DPP10: variants seen among roughly 807,000 people sequenced by gnomAD.
The protein encoded by DPP10 is inactive dipeptidyl peptidase 10.
In DPP10, 33 loss-of-function variants were observed where a neutral mutation model predicts 120.9. That is an observed-to-expected ratio of 0.27 (90% CI 0.21 to 0.37). The LOEUF (loss-of-function observed/expected upper bound fraction) is 0.37, where lower values mean the gene tolerates loss of function less well. Ranked by LOEUF, DPP10 falls within the 10% of genes least tolerant of loss-of-function variation. The pLI, the probability that DPP10 is intolerant of heterozygous loss-of-function variation, is 1.00. For synonymous variants in DPP10, 337 were observed against 326.1 expected, an observed-to-expected ratio of 1.03 and a Z score of -0.36; for missense variants, 816 against 942.8, an observed-to-expected ratio of 0.87 and a Z score of 1.76.
chr2:114,455,538 C>G (rs1301462528), intron 1 of DPP10, among the ~76,000 whole-genome samples: 2 of 145,004 alleles, frequency 1.4e-5, no homozygotes, highest in Non-Finnish European at 1.5e-5. Flanking sequence ...GTTCAAGACT[C>G]TGTCTCAAAA....
At chr2:114,881,565 C>CGTCT (rs368885347) in intron 1 of DPP10, among the ~76,000 whole-genome samples, 9 of 141,100 alleles carry the variant, frequency 6.4e-5, no homozygotes, top group African/African-American at 1.9e-4. Flanking sequence ...ATCTATGTAT[C>CGTCT]ATCTATCTAT....
At chr2:115,812,865 G>A (rs1329824938) in intron 19 of DPP10, among the ~76,000 whole-genome samples, 1 of 150,564 alleles carries the variant, frequency 6.6e-6, no homozygotes, top group South Asian at 2.1e-4. Context: ...TTGGAAATAT[G>A]GAGTACATGA....
intron 1 of DPP10, among the ~76,000 whole-genome samples, chr2:114,717,972 A>C (rs1701460301): frequency 6.6e-6 from 1 of 152,102 alleles, no homozygotes; most frequent in African/African-American, 2.4e-5. Flanking sequence ...ATATTTGCTT[A>C]GTTGTATTTA....
At position 115,352,743 on chromosome 2, in the gene DPP10, G is replaced by T. The variant is rs552142209; in HGVS notation, c.271+8831G>T. Among the ~76,000 whole-genome samples, 5 of 152,168 alleles carry T rather than the reference G, an allele frequency of 3.3e-5. No homozygotes were observed. In the South Asian group the frequency reaches 6.2e-4, roughly 19 times the overall value. On this transcript the variant is annotated intron_variant, in intron 3 of 25. Transcript: ENST00000410059. Reference sequence around the variant, plus strand: ...TTAAAAGTAAAATTGTAATCAAAAGGCTGTGAATGGGACAGAAAGTAGACA... The same window carrying T: ...TTAAAAGTAAAATTGTAATCAAAAGTCTGTGAATGGGACAGAAAGTAGACA...
intron 21 of DPP10, among the ~76,000 whole-genome samples, chr2:115,817,706 A>C (rs1387316819): frequency 6.6e-6 from 1 of 152,110 alleles, no homozygotes; most frequent in Non-Finnish European, 1.5e-5. Flanking sequence ...AAAACATCTA[A>C]GAAAGTGATC....
In DPP10 at chr2:114,780,893, G is replaced by A. The variant is rs76340855; in HGVS notation, c.60+338055G>A. Among the ~76,000 whole-genome samples the A allele has an allele frequency of 3.6e-3, 548 of 152,120 alleles. 5 individuals carry two copies. Among genetic ancestry groups the A allele is most frequent in the African/African-American group, 0.012 (518 of 41,552 alleles). On this transcript the variant is annotated intron_variant, in intron 1 of 25. Transcript: ENST00000410059. ...AGTCAAGAGCATTACAATCTGATTGGGAAGATTATTCTATTGAATATCATT... is the reference window on the plus strand; with the variant it reads ...AGTCAAGAGCATTACAATCTGATTGAGAAGATTATTCTATTGAATATCATT...
intron 4 of DPP10, among the ~76,000 whole-genome samples, chr2:115,520,329 A>G (rs953072310): frequency 6.6e-6 from 1 of 152,100 alleles, no homozygotes; most frequent in African/African-American, 2.4e-5. Flanking sequence ...AAACAAAACA[A>G]AACAAAACAT....
At position 115,454,324 on chromosome 2, in the gene DPP10, G is replaced by A. The variant is rs192834637; in HGVS notation, c.272-45186G>A. ...TAATATTTTTCATAAATGTAGAGGC[G>A]GAAGTCTTTAACAAAATATTAACAA... On this transcript the variant is annotated intron_variant, in intron 3 of 25. Transcript: ENST00000410059. Among the ~76,000 whole-genome samples the A allele has an allele frequency of 7.1e-4, 107 of 151,564 alleles. 1 individual carries two copies. The South Asian group carries it at 1.0e-2, about 14-fold the overall frequency.
intron 1 of DPP10, among the ~76,000 whole-genome samples, chr2:114,698,917 G>T (rs1286039869): frequency 1.3e-5 from 2 of 152,094 alleles, no homozygotes; most frequent in African/African-American, 4.8e-5. Flanking sequence ...AGATTCCATT[G>T]GTCAGTAACA....
intron 1 of DPP10, among the ~76,000 whole-genome samples, chr2:114,702,304 T>G (rs1345936726): frequency 6.7e-6 from 1 of 149,954 alleles, no homozygotes; most frequent in South Asian, 2.1e-4. Context: ...GTGAGGAAAT[T>G]TTTTTTTTTT....
At chr2:115,767,539 T>C (rs906565544) in intron 12 of DPP10, among the ~76,000 whole-genome samples, 1 of 151,476 alleles carries the variant, frequency 6.6e-6, no homozygotes, top group African/African-American at 2.4e-5. Flanking sequence ...TAAATATATA[T>C]AGTGTGTGTA....
At chr2:115,711,958 T>A (rs1426837661) in intron 7 of DPP10, among the ~76,000 whole-genome samples, 2 of 141,004 alleles carry the variant, frequency 1.4e-5, no homozygotes, top group Non-Finnish European at 3.0e-5. Flanking sequence ...GTCTAATGCA[T>A]TTAGCACAGC....
At chr2:114,501,582 G>A (rs540469424) in intron 1 of DPP10, among the ~76,000 whole-genome samples, 39 of 152,258 alleles carry the variant, frequency 2.6e-4, no homozygotes, top group South Asian at 2.3e-3. Context: ...ACTTGAAGGT[G>A]AAATACCCCG....
At chr2:115,408,702 C>G (rs1054389817) in intron 3 of DPP10, among the ~76,000 whole-genome samples, 1 of 151,944 alleles carries the variant, frequency 6.6e-6, no homozygotes, top group African/African-American at 2.4e-5. Context: ...GAAAATTAAT[C>G]ATAAAGTTAT....
intron 1 of DPP10, among the ~76,000 whole-genome samples, chr2:114,920,137 G>T (rs1032950631): frequency 6.6e-6 from 1 of 152,136 alleles, no homozygotes; most frequent in African/African-American, 2.4e-5. Flanking sequence ...GGCTAGCTTC[G>T]GGAGGGGTGG....
intron 5 of DPP10, among the ~76,000 whole-genome samples, chr2:115,686,882 T>C (rs538236701): frequency 6.6e-6 from 1 of 152,170 alleles, no homozygotes; most frequent in African/African-American, 2.4e-5. Flanking sequence ...CTTGTCCCCA[T>C]AGGTCTCTCA....
intron 1 of DPP10, among the ~76,000 whole-genome samples, chr2:114,491,152 T>C: frequency 6.6e-6 from 1 of 152,188 alleles, no homozygotes; most frequent in Non-Finnish European, 1.5e-5. Context: ...TGCATACTCA[T>C]GTTTTTCAAT....
chr2:114,664,342 T>C (rs1697727373), intron 1 of DPP10, among the ~76,000 whole-genome samples: 1 of 151,864 alleles, frequency 6.6e-6, no homozygotes, highest in Non-Finnish European at 1.5e-5. Context: ...AAAGTCGTCA[T>C]GTCTGGCCAG....
chr2:114,696,207 T>C (rs2105792055), intron 1 of DPP10, among the ~76,000 whole-genome samples: 1 of 152,200 alleles, frequency 6.6e-6, no homozygotes, highest in Admixed American at 6.5e-5. Context: ...CATCAATGTC[T>C]TGCTCCTGAT....
Sources: gnomAD v4.1 joint callset for allele counts (sites outside exome capture counted in the v4.1 genomes callset) on GRCh38, gnomAD v4.1.1 for gene constraint, MANE v1.5 for transcripts, NCBI Gene and HGNC (gene_info 2026-07-23, HGNC 2026-07-21) for gene names.